TICAM1: variants seen among roughly 807,000 people sequenced by gnomAD.
TICAM1 encodes the protein TIR domain-containing adapter molecule 1.
For synonymous variants in TICAM1, 439 were observed against 415.4 expected (o/e 1.06, Z -0.69); for missense variants, 895 against 938.2 (o/e 0.95, Z 0.60).
At position 4,817,334 on chromosome 19, in the gene TICAM1, C is replaced by T. The variant is rs772969793; in HGVS notation, c.1044G>A (p.Pro348=). The part of the protein sequence containing the change: ...VEDTTSPNTK[P]CPPTPTTPET... ...CTGGGGTGGTGGGAGTAGGTGGGCA[C>T]GGCTTGGTATTTGGAGAGGTGGTAT... The change falls in exon 2 of 2, where the codon CCG becomes CCA. Residue 348 remains proline (P), a synonymous_variant. Coordinates refer to ENST00000248244, the MANE Select transcript of TICAM1 (RefSeq NM_182919.4). This position sits in a 1 kb window ranked among gnomAD's most constrained non-coding sequence, Gnocchi z 4.7. 17 of 1,612,882 alleles carry T rather than the reference C, an allele frequency of 1.1e-5. No individual in the cohort carries two copies. The highest frequency in any genetic ancestry group is 2.2e-5 in the East Asian group (1 of 44,838).
chr19:4,826,516 G>C (rs565693441), intron 1 of TICAM1, among the ~76,000 whole-genome samples: 1 of 152,104 alleles, frequency 6.6e-6, no homozygotes, highest in African/African-American at 2.4e-5. Context: ...GTAGAGACGG[G>C]GTTTCACCAT....
intron 1 of TICAM1, among the ~76,000 whole-genome samples, chr19:4,822,404 A>G (rs560885393): frequency 4.0e-5 from 6 of 150,274 alleles, no homozygotes; most frequent in South Asian, 4.2e-4. Flanking sequence ...CACCACGCCC[A>G]GCTAATTTTT....
rs754350473 is a variant in TICAM1 at position 4,818,243 on chromosome 19, G to A, written c.135C>T (p.Ala45=). The A allele has an allele frequency of 1.2e-6, 2 of 1,613,288 alleles. No homozygotes were observed. Among genetic ancestry groups the A allele is most frequent in the Admixed American group, 1.7e-5 (1 of 60,006 alleles). Residue 45 remains alanine (A), a synonymous_variant, in exon 2 of 2, where the codon GCC becomes GCT. Coordinates refer to ENST00000248244, the MANE Select transcript of TICAM1 (RefSeq NM_182919.4). This position sits in a 1 kb window ranked among gnomAD's most constrained non-coding sequence, Gnocchi z 4.0. ...PGCQGQDLLH[A]MVLLKLGQET... The stretch of plus-strand genomic sequence containing the variant: ...CCTGGCCCAGCTTCAGGAGAACCAT[G>A]GCATGCAGGAGGTCCTGCCCCTGGC...
chr19:4,824,642 G>C (rs568185399), intron 1 of TICAM1, among the ~76,000 whole-genome samples: 1 of 146,724 alleles, frequency 6.8e-6, no homozygotes, highest in African/African-American at 2.5e-5. Flanking sequence ...ACAAAGAAGG[G>C]AACAACAGGG....
At chr19:4,831,002 C>T (rs766737251) in intron 1 of TICAM1, among the ~76,000 whole-genome samples, 14 of 152,046 alleles carry the variant, frequency 9.2e-5, no homozygotes, top group Non-Finnish European at 1.9e-4. Context: ...TGTGGTGGTA[C>T]AGGGTGTGAG....
At position 4,827,388 on chromosome 19, in the gene TICAM1, A is replaced by AG. The variant is rs1394067976; in HGVS notation, c.-140+4225_-140+4226insC. On this transcript the variant is annotated intron_variant, in intron 1 of 1. Coordinates refer to ENST00000248244, the MANE Select transcript of TICAM1 (RefSeq NM_182919.4). ...CTCTGTCTCCAAAAAAAAAAAAAAA[A>AG]AAAAAAAAAAAAAAAGAAAAAGGCC... is the stretch of plus-strand genomic sequence containing the variant. Among the ~76,000 whole-genome samples the AG allele has an allele frequency of 5.6e-3, 841 of 149,114 alleles. 7 individuals are homozygous for AG. Among genetic ancestry groups the AG allele is most frequent in the South Asian group, 9.5e-3 (45 of 4,734 alleles).
At chr19:4,828,761 G>A (rs939961765) in intron 1 of TICAM1, among the ~76,000 whole-genome samples, 1 of 149,920 alleles carries the variant, frequency 6.7e-6, no homozygotes, top group Non-Finnish European at 1.5e-5. Context: ...GGAGTGCAGT[G>A]GCGCGATCTC....
intron 1 of TICAM1, among the ~76,000 whole-genome samples, chr19:4,830,354 A>C (rs1177089824): frequency 1.3e-5 from 2 of 152,096 alleles, no homozygotes. Flanking sequence ...TTGGGATTAC[A>C]GGCATAAACC....
chr19:4,816,774 G>C lies in TICAM1; in HGVS notation c.1604C>G (p.Ala535Gly), dbSNP rs1400099215. Reference protein sequence around the residue: ...ANTFKPHRLQARKAMWRKEQD... With the variant: ...ANTFKPHRLQGRKAMWRKEQD... ...TTCCTTCCTCCACATGGCCTTTCGG[G>C]CCTGAAGCCTGTGGGGCTTGAAGGT... Residue 535 changes from alanine (A) to glycine (G), a missense_variant, in exon 2 of 2, where the codon GCC becomes GGC. Ala to Gly is a moderately conservative substitution (Grantham distance 60). Coordinates refer to ENST00000248244, the MANE Select transcript of TICAM1 (RefSeq NM_182919.4). The surrounding 1 kb of genome is among the most constrained non-coding windows in gnomAD (Gnocchi z 4.3). 4.3e-6 allele frequency: 7 copies of C among 1,613,534 alleles called. No homozygotes were observed. The highest frequency in any genetic ancestry group is 5.9e-6 in the Non-Finnish European group (7 of 1,180,026).
Position 4,816,656 on chromosome 19 carries a change from G to A in TICAM1, c.1722C>T (p.Leu574=). The part of the protein sequence containing the change: ...AALNAAYSAY[L]QSYLSYQAQM... ...GTGCCTGGTAGGACAAGTAGCTCTG[G>A]AGGTAGGCTGAGTAGGCTGCGTTCA... Residue 574 remains leucine (L), a synonymous_variant, in exon 2 of 2, where the codon CTC becomes CTT. Transcript: ENST00000248244. This position sits in a 1 kb window ranked among gnomAD's most constrained non-coding sequence, Gnocchi z 4.3. 1 of 1,614,170 alleles carries A rather than the reference G, an allele frequency of 6.2e-7. No individual in the cohort carries two copies. The highest frequency in any genetic ancestry group is 8.5e-7 in the Non-Finnish European group (1 of 1,180,040).
Position 4,816,453 on chromosome 19 carries a change from G to T in TICAM1, c.1925C>A (p.Pro642Gln). ...PLHAWQAGTP[P>Q]PPSPQPAAFP... ...GGCTGCTGGCTGTGGGGAGGGCGGTGGGGGGGTGCCAGCCTGCCATGCGTG... is the reference window on the plus strand; with the variant it reads ...GGCTGCTGGCTGTGGGGAGGGCGGTTGGGGGGTGCCAGCCTGCCATGCGTG... Residue 642 changes from proline (P) to glutamine (Q), a missense_variant, in exon 2 of 2, where the codon CCA becomes CAA. Coordinates refer to ENST00000248244, the MANE Select transcript of TICAM1 (RefSeq NM_182919.4). This position sits in a 1 kb window ranked among gnomAD's most constrained non-coding sequence, Gnocchi z 4.3. The T allele has an allele frequency of 6.4e-7, 1 of 1,552,688 alleles. No homozygotes were observed.
chr19:4,825,679 C>T (rs1011683550), intron 1 of TICAM1, among the ~76,000 whole-genome samples: 4 of 146,548 alleles, frequency 2.7e-5, no homozygotes, highest in African/African-American at 5.0e-5. Context: ...AAAAATAGGC[C>T]GGGTGTGGTG....
At chr19:4,822,512 G>C (rs1485793232) in intron 1 of TICAM1, among the ~76,000 whole-genome samples, 1 of 152,194 alleles carries the variant, frequency 6.6e-6, no homozygotes, top group Non-Finnish European at 1.5e-5. Flanking sequence ...CAAAGTGCTG[G>C]GATTATAGGT....
At position 4,817,274 on chromosome 19, in the gene TICAM1, T is replaced by A; in HGVS notation, c.1104A>T (p.Ser368=). The A allele has an allele frequency of 6.3e-7, 1 of 1,575,642 alleles. No individual in the cohort carries two copies. The highest frequency in any genetic ancestry group is 1.1e-5 in the South Asian group (1 of 89,972). ...TSPPPPPPPP[S]STPCSAHLTP... is the part of the protein sequence containing the mutation. ...TCAGGTGAGCTGAACAAGGAGTAGATGAAGGAGGAGGAGGAGGAGGAGGAG... is the reference window on the plus strand; with the variant it reads ...TCAGGTGAGCTGAACAAGGAGTAGAAGAAGGAGGAGGAGGAGGAGGAGGAG... Residue 368 remains serine (S), a synonymous_variant, in exon 2 of 2, where the codon TCA becomes TCT. Coordinates refer to ENST00000248244, the MANE Select transcript of TICAM1 (RefSeq NM_182919.4). This position sits in a 1 kb window ranked among gnomAD's most constrained non-coding sequence, Gnocchi z 4.7.
intron 1 of TICAM1, among the ~76,000 whole-genome samples, chr19:4,824,625 G>A (rs1192369467): frequency 2.1e-5 from 3 of 142,162 alleles, no homozygotes; most frequent in African/African-American, 5.0e-5. Context: ...GTGAGCCACC[G>A]CAGGACACAA....
intron 1 of TICAM1, among the ~76,000 whole-genome samples, chr19:4,827,215 G>A (rs1033436916): frequency 3.3e-5 from 5 of 150,894 alleles, no homozygotes; most frequent in Non-Finnish European, 7.4e-5. Flanking sequence ...GCCGGGCATG[G>A]TGGCGCAAGC....
chr19:4,822,715 T>C (rs2093599720), intron 1 of TICAM1, among the ~76,000 whole-genome samples: 1 of 152,178 alleles, frequency 6.6e-6, no homozygotes, highest in African/African-American at 2.4e-5. Context: ...TGTAGACACC[T>C]GGGTTATGAG....
intron 1 of TICAM1, among the ~76,000 whole-genome samples, chr19:4,823,373 G>A (rs2093600806): frequency 6.6e-6 from 1 of 151,898 alleles, no homozygotes; most frequent in Non-Finnish European, 1.5e-5. Context: ...GCTGAGGCAG[G>A]AGAATGGCGT....
rs998092223 is a variant in TICAM1, at chr19:4,825,756, G to A, written c.-140+5858C>T. ...GTGGATCACCTGAGTTTAGAAGTTC[G>A]AGACCAGCCTAGCCAACACAGTGAA... On this transcript the variant is annotated intron_variant, in intron 1 of 1. Transcript: ENST00000248244. Among the ~76,000 whole-genome samples, 13 of 151,996 alleles carry A rather than the reference G, an allele frequency of 8.6e-5. No homozygotes were observed. The East Asian group carries it at 2.0e-3, about 23-fold the overall frequency.
Sources: gnomAD v4.1 joint callset for allele counts (sites outside exome capture counted in the v4.1 genomes callset) on GRCh38, gnomAD v4.1.1 for gene constraint, Gnocchi (gnomAD v3.1) non-coding constraint, MANE v1.5 for transcripts, NCBI Gene and HGNC (gene_info 2026-07-23, HGNC 2026-07-21) for gene names.